GCNT2: variants seen among roughly 807,000 people sequenced by gnomAD.
GCNT2 encodes the protein N-acetyllactosaminide beta-1,6-N-acetylglucosaminyl-transferase.
In GCNT2, 34 loss-of-function variants were observed where a neutral mutation model predicts 34.2. The ratio of observed to expected loss-of-function variants is 1.00; its 90% confidence interval spans 0.76 to 1.32. The LOEUF is 1.32. GCNT2 is among the 40% of genes most tolerant of loss of function. The pLI, the probability that GCNT2 is intolerant of heterozygous loss-of-function variation, is 0.00. For synonymous variants in GCNT2, 212 were observed against 188.0 expected (o/e 1.13, Z -1.04); for missense variants, 584 against 489.4 (o/e 1.19, Z -1.82).
chr6:10,600,548 C>G (rs982101026), intron 3 of GCNT2, among the ~76,000 whole-genome samples: 1 of 152,120 alleles, frequency 6.6e-6, no homozygotes, highest in Non-Finnish European at 1.5e-5. Flanking sequence ...TGGGAGCCAA[C>G]CCCTACCCCC....
At chr6:10,599,076 C>T (rs1454794260) in intron 3 of GCNT2, among the ~76,000 whole-genome samples, 2 of 152,120 alleles carry the variant, frequency 1.3e-5, no homozygotes, top group African/African-American at 2.4e-5. Flanking sequence ...CCCAAAGTGC[C>T]ATTACAAAGG....
chr6:10,542,325 C>T (rs1762071670), intron 3 of GCNT2, among the ~76,000 whole-genome samples: 1 of 152,112 alleles, frequency 6.6e-6, no homozygotes, highest in Non-Finnish European at 1.5e-5. Flanking sequence ...TGCCTTTCCC[C>T]CTCTTAAAGG....
At chr6:10,586,487 A>G (rs749705842) in intron 3 of GCNT2, 1 of 1,613,892 alleles carries the variant, frequency 6.2e-7, no homozygotes, top group African/African-American at 1.3e-5. Flanking sequence ...GCATTTCCAG[A>G]CTCCAGGCTG....
intron 3 of GCNT2, chr6:10,556,639 C>A: frequency 1.9e-6 from 3 of 1,613,888 alleles, no homozygotes; most frequent in Non-Finnish European, 2.5e-6. Context: ...AGTCTTCTTG[C>A]AAGGAATACT....
chr6:10,554,317 C>T (rs922637809), intron 3 of GCNT2, among the ~76,000 whole-genome samples: 2 of 152,066 alleles, frequency 1.3e-5, no homozygotes, highest in Non-Finnish European at 1.5e-5. Context: ...GGAGGAAAAT[C>T]GACTATATTT....
intron 3 of GCNT2, among the ~76,000 whole-genome samples, chr6:10,595,390 G>A (rs1764810236): frequency 6.6e-6 from 1 of 151,786 alleles, no homozygotes. Context: ...CCATTCTCCT[G>A]CCTCAGCCTC....
intron 3 of GCNT2, chr6:10,557,332 T>C (rs1185326836): frequency 2.5e-6 from 4 of 1,612,220 alleles, no homozygotes; most frequent in Middle Eastern, 1.6e-4. Flanking sequence ...TGACACTCAA[T>C]AGGATTCCAG....
chr6:10,547,574 T>TA (rs776581423), intron 3 of GCNT2, among the ~76,000 whole-genome samples: 8 of 152,248 alleles, frequency 5.3e-5, no homozygotes, highest in African/African-American at 1.9e-4. Context: ...GATGACTTTT[T>TA]ATCACTTGGC....
At chr6:10,607,852 T>C (rs1765391015) in intron 3 of GCNT2, among the ~76,000 whole-genome samples, 1 of 152,114 alleles carries the variant, frequency 6.6e-6, no homozygotes, top group Non-Finnish European at 1.5e-5. Flanking sequence ...ACATGCTGCT[T>C]TTACTCTAAT....
At chr6:10,611,948 T>C (rs991500754) in intron 3 of GCNT2, among the ~76,000 whole-genome samples, 2 of 152,134 alleles carry the variant, frequency 1.3e-5, no homozygotes, top group African/African-American at 4.8e-5. Flanking sequence ...ATTAATAGTA[T>C]ACAATTTCAT....
intron 3 of GCNT2, among the ~76,000 whole-genome samples, chr6:10,558,319 A>G (rs1430669890): frequency 6.6e-6 from 1 of 152,216 alleles, no homozygotes; most frequent in South Asian, 2.1e-4. Flanking sequence ...ATGGTAAAGC[A>G]TGAAGCTTTA....
chr6:10,569,235 CCACACACA>C lies in GCNT2; in HGVS notation c.925+39431_925+39438del, dbSNP rs373362957. On this transcript the variant is annotated intron_variant, in intron 3 of 4. Transcript: ENST00000495262. ...CACCCCCTGCCACCCACTCCCCCCG[CCACACACA>C]CACACACACACACACACACACACAC... Among the ~76,000 whole-genome samples, 196 of 47,512 alleles carry C rather than the reference CCACACACA, an allele frequency of 4.1e-3. 2 individuals are homozygous for C. Among genetic ancestry groups the C allele is most frequent in the African/African-American group, 0.01 (180 of 17,842 alleles). The allele number at this position is 47,512 out of a possible 152,430, so 31.2% of individuals were successfully genotyped here.
At chr6:10,581,892 G>T (rs1764082483) in intron 3 of GCNT2, 1 of 983,676 alleles carries the variant, frequency 1.0e-6, no homozygotes, top group South Asian at 4.7e-5. Flanking sequence ...CATCAAAATG[G>T]GTTATTGGAT....
At chr6:10,575,911 A>T (rs1763787719) in intron 3 of GCNT2, among the ~76,000 whole-genome samples, 1 of 150,520 alleles carries the variant, frequency 6.6e-6, no homozygotes, top group Admixed American at 6.6e-5. Context: ...TCCTTTACCT[A>T]CCCAAATCTT....
intron 3 of GCNT2, among the ~76,000 whole-genome samples, chr6:10,600,154 A>G (rs1301900318): frequency 6.6e-6 from 1 of 152,204 alleles, no homozygotes; most frequent in African/African-American, 2.4e-5. Context: ...TCTTTCTGAA[A>G]TGTCATAGAT....
chr6:10,600,095 T>C (rs1017579473), intron 3 of GCNT2, among the ~76,000 whole-genome samples: 1 of 152,250 alleles, frequency 6.6e-6, no homozygotes, highest in Non-Finnish European at 1.5e-5. Context: ...ATAAGACTTT[T>C]AAGTCCTTCA....
intron 3 of GCNT2, chr6:10,586,334 G>T (rs755712592): frequency 1.7e-5 from 28 of 1,613,940 alleles, no homozygotes; most frequent in Non-Finnish European, 2.4e-5. Flanking sequence ...GGCTCTTTAG[G>T]GCTATCTATA....
intron 3 of GCNT2, chr6:10,557,312 CAT>C: frequency 6.2e-7 from 1 of 1,613,676 alleles, no homozygotes; most frequent in Admixed American, 1.7e-5. Flanking sequence ...TCCTGATGAG[CAT>C]TTCTGGGTGA....
intron 3 of GCNT2, among the ~76,000 whole-genome samples, chr6:10,617,743 A>ATTTTTTTTTTTTTTT (rs1254996839): frequency 1.2e-4 from 14 of 112,798 alleles, no homozygotes; most frequent in African/African-American, 2.9e-4. Context: ...CAGAGTCTGC[A>ATTTTTTTTTTTTTTT]TTTCTTCTTT....
Sources: gnomAD v4.1 joint callset for allele counts (sites outside exome capture counted in the v4.1 genomes callset) on GRCh38, gnomAD v4.1.1 for gene constraint, MANE v1.5 for transcripts, NCBI Gene and HGNC (gene_info 2026-07-23, HGNC 2026-07-21) for gene names.